Variants in RFTN1 observed in about 807,000 individuals in gnomAD.
The protein encoded by RFTN1 is raftlin.
In RFTN1, 26 loss-of-function variants were observed where a neutral mutation model predicts 46.5. The observed-to-expected ratio is 0.56, with a 90% CI of 0.41 to 0.78. The LOEUF (loss-of-function observed/expected upper bound fraction) is 0.78. Ranked by LOEUF, RFTN1 falls within the 30% of genes least tolerant of loss-of-function variation. The pLI, the probability that RFTN1 is intolerant of heterozygous loss-of-function variation, is 0.00. For missense variants in RFTN1, 693 were observed against 718.7 expected, an observed-to-expected ratio of 0.96 and a Z score of 0.41; for synonymous variants, 261 against 284.2, an observed-to-expected ratio of 0.92 and a Z score of 0.82.
chr3:16,324,646 T>G (rs1024368037), intron 8 of RFTN1, among the ~76,000 whole-genome samples: 2 of 100,434 alleles, frequency 2.0e-5, no homozygotes, highest in Non-Finnish European at 3.8e-5. Flanking sequence ...TAGTATTCCA[T>G]TGTGTGTGTG....
At position 16,316,937 on chromosome 3, in the gene RFTN1, T is replaced by G. The variant is rs1575209365; in HGVS notation, c.1628A>C (p.His543Pro). 2 of 1,614,108 alleles carry G rather than the reference T, an allele frequency of 1.2e-6. No homozygotes were observed. The highest frequency in any genetic ancestry group is 4.5e-5 in the East Asian group (2 of 44,848). Reference protein sequence around the residue: ...GEAVQNGPASHSRALVGICTG... With the variant: ...GEAVQNGPASPSRALVGICTG... ...GCAAATCCCCACCAGGGCCCTGCTGTGGCTGGCAGGACCATTCTGCACAGC... is the reference window on the plus strand; with the variant it reads ...GCAAATCCCCACCAGGGCCCTGCTGGGGCTGGCAGGACCATTCTGCACAGC... Residue 543 changes from histidine to proline, a missense_variant, in exon 10 of 10, where the codon CAC becomes CCC. By Grantham distance (77) the His-to-Pro change is moderately conservative (BLOSUM62 -2). Coordinates refer to ENST00000334133, the MANE Select transcript of RFTN1 (RefSeq NM_015150.2). The surrounding 1 kb of genome is among the most constrained non-coding windows in gnomAD (Gnocchi z 4.5).
In RFTN1 at chr3:16,451,105, A is replaced by G. The variant is rs534423627; in HGVS notation, c.146-17068T>C. ...AAACTCTCATTATGAGAAAACATGC[A>G]GACAGAAGATCAGGTCTCCAGCCAA... is the stretch of plus-strand genomic sequence containing the variant. On this transcript the variant is annotated intron_variant, in intron 2 of 9. Transcript: ENST00000334133. The surrounding 1 kb of genome is among the most constrained non-coding windows in gnomAD (Gnocchi z 4.2). Among the ~76,000 whole-genome samples, 1 of 152,240 alleles carries G rather than the reference A, an allele frequency of 6.6e-6. No homozygotes were observed. Among genetic ancestry groups the G allele is most frequent in the Non-Finnish European group, 1.5e-5 (1 of 68,034 alleles).
chr3:16,489,870 T>C lies in RFTN1; in HGVS notation c.145+3855A>G, dbSNP rs2076511583. 2.0e-5 allele frequency among the ~76,000 whole-genome samples: 3 copies of C among 151,528 alleles called. No individual in the cohort carries two copies. The South Asian group carries it at 6.3e-4, about 32-fold the overall frequency. On this transcript the variant is annotated intron_variant, in intron 2 of 9. Coordinates refer to ENST00000334133, the MANE Select transcript of RFTN1 (RefSeq NM_015150.2). This position sits in a 1 kb window ranked among gnomAD's most constrained non-coding sequence, Gnocchi z 4.0. ...TTGCAGTGAGCTGAGATCACAACAT[T>C]GCACTCCAGCCTAGGTGACAGAGCG...
At chr3:16,379,752 A>T (rs1464500062) in intron 4 of RFTN1, among the ~76,000 whole-genome samples, 2 of 152,212 alleles carry the variant, frequency 1.3e-5, no homozygotes, top group Non-Finnish European at 2.9e-5. Context: ...CATTCTGAAA[A>T]TTTTTTCCCT....
intron 2 of RFTN1, among the ~76,000 whole-genome samples, chr3:16,485,917 T>C (rs1470704003): frequency 3.3e-5 from 5 of 152,236 alleles, no homozygotes; most frequent in African/African-American, 1.2e-4. Flanking sequence ...CACTTACTAC[T>C]TGTTACCTGC....
Position 16,421,596 on chromosome 3 carries a change from C to T in RFTN1, c.333-12113G>A, listed in dbSNP as rs576279034. On this transcript the variant is annotated intron_variant, in intron 3 of 9. Transcript: ENST00000334133. This position sits in a 1 kb window ranked among gnomAD's most constrained non-coding sequence, Gnocchi z 4.6. ...CGATCCCTTGACTTCGTGATCCGCC[C>T]GCCTCGGCCTCCCAAAGTGCTGGGA... 2.4e-4 allele frequency among the ~76,000 whole-genome samples: 36 copies of T among 152,086 alleles called. No homozygotes were observed. Among genetic ancestry groups the T allele is most frequent in the East Asian group, 1.7e-3 (9 of 5,180 alleles).
chr3:16,339,930 T>C (rs1164623393), intron 7 of RFTN1: 1 of 152,268 alleles, frequency 6.6e-6, no homozygotes. Context: ...TCAAAATTGC[T>C]GTAAATCATG....
intron 3 of RFTN1, among the ~76,000 whole-genome samples, chr3:16,416,533 G>A: frequency 6.6e-6 from 1 of 152,136 alleles, no homozygotes; most frequent in African/African-American, 2.4e-5. Flanking sequence ...TATTAATGGT[G>A]GTGGGAAACT....
rs2075638057 is a variant in RFTN1, at chr3:16,442,139, C to A, written c.146-8102G>T. Among the ~76,000 whole-genome samples, 1 of 151,872 alleles carries A rather than the reference C, an allele frequency of 6.6e-6. No individual in the cohort carries two copies. ...TGTATCTGAAACTTAAAAAACAAAA[C>A]AAAACAAAACAAAACAAAACACATA... On this transcript the variant is annotated intron_variant, in intron 2 of 9. Coordinates refer to ENST00000334133, the MANE Select transcript of RFTN1 (RefSeq NM_015150.2). This position sits in a 1 kb window ranked among gnomAD's most constrained non-coding sequence, Gnocchi z 4.1.
rs776470489 is a variant in RFTN1, at chr3:16,336,923, C to T, written c.1147-10047G>A. Among the ~76,000 whole-genome samples, 27 of 152,138 alleles carry T rather than the reference C, an allele frequency of 1.8e-4. No individual in the cohort carries two copies. Among genetic ancestry groups the T allele is most frequent in the Non-Finnish European group, 3.8e-4 (26 of 68,022 alleles). On this transcript the variant is annotated intron_variant, in intron 7 of 9. Coordinates refer to ENST00000334133, the MANE Select transcript of RFTN1 (RefSeq NM_015150.2). The surrounding 1 kb of genome is among the most constrained non-coding windows in gnomAD (Gnocchi z 6.0). Reference sequence around the variant, plus strand: ...GAAGAATGGTGTCTATTATGACTTCCCTGTGTCCAGGCCACTTTCCAACAC... The same window carrying T: ...GAAGAATGGTGTCTATTATGACTTCTCTGTGTCCAGGCCACTTTCCAACAC...
chr3:16,434,531 G>A (rs1300757697), intron 2 of RFTN1, among the ~76,000 whole-genome samples: 1 of 151,920 alleles, frequency 6.6e-6, no homozygotes, highest in Non-Finnish European at 1.5e-5. Flanking sequence ...CTCTAGCCTG[G>A]GCAACAGAGC....
chr3:16,482,060 T>C (rs1415355820), intron 2 of RFTN1, among the ~76,000 whole-genome samples: 1 of 152,104 alleles, frequency 6.6e-6, no homozygotes, highest in East Asian at 1.9e-4. Flanking sequence ...CCAACACTCA[T>C]GTTCTTGATA....
Position 16,460,897 on chromosome 3 carries a change from G to A in RFTN1, c.146-26860C>T, listed in dbSNP as rs2075999031. On this transcript the variant is annotated intron_variant, in intron 2 of 9. Transcript: ENST00000334133. The surrounding 1 kb of genome is among the most constrained non-coding windows in gnomAD (Gnocchi z 4.8). ...CCTTCATAAGGCAGCCCCTACTCGA[G>A]GCTGGCCAGACTTCTTCAACAAATG... Among the ~76,000 whole-genome samples, 1 of 152,170 alleles carries A rather than the reference G, an allele frequency of 6.6e-6. No individual in the cohort carries two copies. The highest frequency in any genetic ancestry group is 2.4e-5 in the African/African-American group (1 of 41,436).
In RFTN1 at chr3:16,380,739, T is replaced by A. The variant is rs375508608; in HGVS notation, c.442-2637A>T. On this transcript the variant is annotated intron_variant, in intron 4 of 9. Coordinates refer to ENST00000334133, the MANE Select transcript of RFTN1 (RefSeq NM_015150.2). This position sits in a 1 kb window ranked among gnomAD's most constrained non-coding sequence, Gnocchi z 4.8. ...CGAGTGATTCCAATGCAGCCTGATG[T>A]TTGAGAATCACTGCTCTAGAATACA... Among the ~76,000 whole-genome samples the A allele has an allele frequency of 1.5e-4, 23 of 152,334 alleles. No individual in the cohort carries two copies. The highest frequency in any genetic ancestry group is 5.5e-4 in the African/African-American group (23 of 41,572).
rs1575265751 is a variant in RFTN1, at chr3:16,421,684, C to G, written c.332+12167G>C. ...TGTTTTAATCTCATACTGCGTCCCA[C>G]AAAGCTCTTATGGGCAGAGACGGGT... On this transcript the variant is annotated intron_variant, in intron 3 of 9. Transcript: ENST00000334133. This position sits in a 1 kb window ranked among gnomAD's most constrained non-coding sequence, Gnocchi z 4.6. Among the ~76,000 whole-genome samples the G allele has an allele frequency of 6.6e-6, 1 of 152,082 alleles. No homozygotes were observed. Among genetic ancestry groups the G allele is most frequent in the Non-Finnish European group, 1.5e-5 (1 of 68,016 alleles).
At chr3:16,386,673 A>C (rs988805744) in intron 4 of RFTN1, among the ~76,000 whole-genome samples, 15 of 152,240 alleles carry the variant, frequency 9.9e-5, no homozygotes, top group African/African-American at 3.6e-4. Flanking sequence ...ATGAGATGCC[A>C]TCATGACTTC....
intron 2 of RFTN1, among the ~76,000 whole-genome samples, chr3:16,438,454 G>A (rs1053191379): frequency 2.6e-5 from 4 of 151,456 alleles, no homozygotes; most frequent in Non-Finnish European, 5.9e-5. Flanking sequence ...GCATGTTGGC[G>A]TGCACCTATA....
In RFTN1 at chr3:16,406,089, T is replaced by C. The variant is rs146970751; in HGVS notation, c.441+3286A>G. Among the ~76,000 whole-genome samples, 8 of 152,338 alleles carry C rather than the reference T, an allele frequency of 5.3e-5. No homozygotes were observed. The South Asian group carries it at 6.2e-4, about 12-fold the overall frequency. ...TTCCTGGGAAGCACCTGTGGTCTTC[T>C]ACCTGGTGTGATGACAGAAAAATTT... On this transcript the variant is annotated intron_variant, in intron 4 of 9. Transcript: ENST00000334133.
intron 4 of RFTN1, 126 bp downstream of exon 4, chr3:16,409,249 G>T (rs1322623212): frequency 6.3e-6 from 4 of 635,004 alleles, no homozygotes; most frequent in Non-Finnish European, 8.5e-6. Context: ...GGCTGCCAAA[G>T]GTTTAGGTCA....
Sources: allele counts gnomAD v4.1 joint callset (sites outside exome capture counted in the v4.1 genomes callset), GRCh38; gene constraint gnomAD v4.1.1; non-coding constraint Gnocchi (gnomAD v3.1); transcripts MANE v1.5; gene names NCBI Gene and HGNC (gene_info 2026-07-23, HGNC 2026-07-21).